The following TANGO6 variants were observed in gnomAD, a reference collection of about 807,000 sequenced individuals.
TANGO6 encodes the protein transport and golgi organization 6 homolog.
In TANGO6, 90 loss-of-function variants were observed where a neutral mutation model predicts 114.2. The ratio of observed to expected loss-of-function variants is 0.79; its 90% confidence interval spans 0.66 to 0.94. The LOEUF (loss-of-function observed/expected upper bound fraction) is 0.94. Among genes scored for constraint, TANGO6 ranks in the 40% least tolerant of loss-of-function variants. TANGO6 has a pLI of 0.00. For synonymous variants in TANGO6, 477 were observed against 509.8 expected, an observed-to-expected ratio of 0.94 and a Z score of 0.87; for missense variants, 1,274 against 1,315.3, an observed-to-expected ratio of 0.97 and a Z score of 0.49.
intron 4 of TANGO6, among the ~76,000 whole-genome samples, chr16:68,868,541 A>G (rs1447711189): frequency 7.7e-6 from 1 of 129,820 alleles, no homozygotes; most frequent in Non-Finnish European, 1.5e-5. Context: ...TCTTTCACCC[A>G]GGCTAGAGCG....
intron 15 of TANGO6, among the ~76,000 whole-genome samples, chr16:68,994,031 G>C (rs1963969191): frequency 6.6e-6 from 1 of 152,194 alleles, no homozygotes; most frequent in Non-Finnish European, 1.5e-5. Flanking sequence ...GGGTAACTTT[G>C]TGTAAACTGA....
intron 5 of TANGO6, among the ~76,000 whole-genome samples, chr16:68,876,954 T>TCCA (rs1962372382): frequency 6.6e-6 from 1 of 152,232 alleles, no homozygotes; most frequent in Non-Finnish European, 1.5e-5. Flanking sequence ...TTTGAGTTGT[T>TCCA]TCCATTCTTT....
rs141531870 is a variant in TANGO6 at position 68,952,978 on chromosome 16, T to A, written c.2702-21050T>A. Among the ~76,000 whole-genome samples the A allele has an allele frequency of 2.4e-4, 36 of 152,000 alleles. No individual in the cohort carries two copies. In the East Asian group the frequency reaches 6.7e-3, roughly 28 times the overall value. The stretch of plus-strand genomic sequence containing the variant: ...AAAAAGAGAATTGTAAAATATTTTC[T>A]TTGGCAATTAGGGTTTTCTTTTTGT... On this transcript the variant is annotated intron_variant, in intron 14 of 17. Coordinates refer to ENST00000261778, the MANE Select transcript of TANGO6 (RefSeq NM_024562.2).
intron 11 of TANGO6, among the ~76,000 whole-genome samples, chr16:68,916,390 A>C (rs1172567389): frequency 6.6e-6 from 1 of 152,104 alleles, no homozygotes; most frequent in Non-Finnish European, 1.5e-5. Context: ...CCTTATGAGA[A>C]TCTAACTAAC....
At chr16:68,844,188 A>C (rs1432947311) in intron 1 of TANGO6, among the ~76,000 whole-genome samples, 1 of 152,116 alleles carries the variant, frequency 6.6e-6, no homozygotes, top group Non-Finnish European at 1.5e-5. Flanking sequence ...TGGGGAGAGT[A>C]TTTAGGGGTT....
intron 15 of TANGO6, among the ~76,000 whole-genome samples, chr16:68,981,210 C>CTTTTTTTTTT (rs553789256): frequency 1.8e-5 from 2 of 111,052 alleles, no homozygotes; most frequent in Non-Finnish European, 3.7e-5. Flanking sequence ...TTTTCTTTTC[C>CTTTTTTTTTT]TTTTTTTTTT....
intron 14 of TANGO6, among the ~76,000 whole-genome samples, chr16:68,972,837 G>A (rs957088340): frequency 6.6e-6 from 1 of 152,170 alleles, no homozygotes; most frequent in African/African-American, 2.4e-5. Context: ...TGATCTGTGA[G>A]CAGAGACATG....
rs1427079611 is a variant in TANGO6 at position 69,018,166 on chromosome 16, C to G, written c.2843-4662C>G. ...TTTTTTTTTTTTTTTTTTTTTGAGA[C>G]AGAGTCTCTCTCTGTCGCCCAGGCT... On this transcript the variant is annotated intron_variant, in intron 15 of 17. Transcript: ENST00000261778. Among the ~76,000 whole-genome samples, 9 of 87,290 alleles carry G rather than the reference C, an allele frequency of 1.0e-4. No homozygotes were observed. The South Asian group carries it at 3.3e-3, about 32-fold the overall frequency. The allele number at this position is 87,290 out of a possible 152,430, so 57.3% of individuals were successfully genotyped here.
intron 17 of TANGO6, among the ~76,000 whole-genome samples, chr16:69,066,933 G>A (rs541507061): frequency 5.9e-5 from 9 of 152,152 alleles, no homozygotes; most frequent in Non-Finnish European, 1.2e-4. Flanking sequence ...TTCTTGCTTC[G>A]TTACCCTGGC....
chr16:68,909,458 T>C (rs778610926), intron 11 of TANGO6, 56 bp downstream of exon 11: 11 of 1,410,090 alleles, frequency 7.8e-6, no homozygotes, highest in African/African-American at 1.5e-5. Context: ...AAAAATAAAG[T>C]TTAAAAATGT....
chr16:68,943,579 A>G (rs1963379998), intron 14 of TANGO6, among the ~76,000 whole-genome samples: 2 of 151,888 alleles, frequency 1.3e-5, no homozygotes, highest in South Asian at 4.1e-4. Context: ...GTCAGCCAGG[A>G]TGGTCTCAAT....
At chr16:68,971,734 C>T (rs977039772) in intron 14 of TANGO6, among the ~76,000 whole-genome samples, 3 of 151,838 alleles carry the variant, frequency 2.0e-5, no homozygotes, top group East Asian at 1.9e-4. Context: ...GGGGTTCAAG[C>T]GATTCTCCTG....
chr16:68,902,960 A>G (rs958826947), intron 9 of TANGO6, among the ~76,000 whole-genome samples: 1 of 152,212 alleles, frequency 6.6e-6, no homozygotes, highest in African/African-American at 2.4e-5. Flanking sequence ...ATTGATTAGA[A>G]AGTGCTTAAT....
chr16:68,850,781 A>G (rs1188668734), intron 1 of TANGO6, among the ~76,000 whole-genome samples: 1 of 152,196 alleles, frequency 6.6e-6, no homozygotes, highest in Non-Finnish European at 1.5e-5. Flanking sequence ...ATTCATGAAA[A>G]CAGTTGGTGG....
chr16:69,063,638 A>G (rs1960162643), intron 17 of TANGO6, among the ~76,000 whole-genome samples: 1 of 106,800 alleles, frequency 9.4e-6, no homozygotes. Flanking sequence ...GTGAGACTCC[A>G]TCTCCAAAAA....
chr16:68,948,613 C>A (rs951261662), intron 14 of TANGO6, among the ~76,000 whole-genome samples: 2 of 152,162 alleles, frequency 1.3e-5, no homozygotes, highest in African/African-American at 4.8e-5. Context: ...CCAGGCCTAC[C>A]TTTGGAAAAT....
At chr16:69,055,238 G>A (rs1396518552) in intron 17 of TANGO6, among the ~76,000 whole-genome samples, 8 of 152,290 alleles carry the variant, frequency 5.3e-5, no homozygotes, top group Non-Finnish European at 8.8e-5. Flanking sequence ...CAAAGGGAGC[G>A]TTTAGCCTGT....
intron 17 of TANGO6, among the ~76,000 whole-genome samples, chr16:69,059,291 C>G (rs947334508): frequency 2.0e-5 from 3 of 152,066 alleles, no homozygotes. Flanking sequence ...AGGCTGGTCT[C>G]GAACTCCTGA....
Position 68,860,048 on chromosome 16 carries a change from TC to T in TANGO6, c.260del (p.Ser87LeufsTer19). 1 of 1,613,964 alleles carries T rather than the reference TC, an allele frequency of 6.2e-7. No homozygotes were observed. The highest frequency in any genetic ancestry group is 8.5e-7 in the Non-Finnish European group (1 of 1,179,890). On this transcript the variant is annotated frameshift_variant, in exon 2 of 18. Coordinates refer to ENST00000261778, the MANE Select transcript of TANGO6 (RefSeq NM_024562.2). LOFTEE classifies it high-confidence loss of function. Reference sequence around the variant, plus strand: ...TGATAAGGCAGAATGGCCACAAAACTCTGTGGATGTCACTTGGAGTTTTACC... The same window carrying T: ...TGATAAGGCAGAATGGCCACAAAACTTGTGGATGTCACTTGGAGTTTTACC... ...IADKAEWPQN[S>X]VDVTWSFTSQ...
Sources: gnomAD v4.1 joint callset for allele counts (sites outside exome capture counted in the v4.1 genomes callset) on GRCh38, gnomAD v4.1.1 for gene constraint, MANE v1.5 for transcripts, NCBI Gene and HGNC (gene_info 2026-07-23, HGNC 2026-07-21) for gene names.